GRID2: variants seen among roughly 807,000 people sequenced by gnomAD.
The protein encoded by GRID2 is glutamate ionotropic receptor delta type subunit 2.
Under a neutral mutation model 114.8 loss-of-function variants are expected in GRID2, and 33 were observed. The ratio of observed to expected loss-of-function variants is 0.29; its 90% CI spans 0.22 to 0.38. GRID2 has a LOEUF of 0.38. Ranked by LOEUF, GRID2 falls within the 10% of genes least tolerant of loss-of-function variation. The pLI is 1.00. For missense variants in GRID2, 1,184 were observed against 1,257.7 expected (o/e 0.94, Z 0.89); for synonymous variants, 505 against 449.9 (o/e 1.12, Z -1.55).
intron 2 of GRID2, among the ~76,000 whole-genome samples, chr4:92,931,889 A>G (rs932227749): frequency 2.6e-5 from 4 of 151,272 alleles, no homozygotes; most frequent in African/African-American, 9.7e-5. Context: ...CCTTTTTAAT[A>G]GAAAATTCTC....
At chr4:92,881,583 T>C (rs2149458218) in intron 2 of GRID2, among the ~76,000 whole-genome samples, 1 of 152,350 alleles carries the variant, frequency 6.6e-6, no homozygotes, top group African/African-American at 2.4e-5. Flanking sequence ...GATTTTATAG[T>C]TGTCAATAGA....
intron 1 of GRID2, among the ~76,000 whole-genome samples, chr4:92,380,347 G>T (rs1396489834): frequency 6.6e-6 from 1 of 151,762 alleles, no homozygotes; most frequent in Non-Finnish European, 1.5e-5. Context: ...TGAAGACATT[G>T]CTTACTAGCT....
intron 8 of GRID2, among the ~76,000 whole-genome samples, chr4:93,298,233 G>A (rs1754518492): frequency 6.6e-6 from 1 of 152,098 alleles, no homozygotes; most frequent in African/African-American, 2.4e-5. Context: ...GTCTTAGTTA[G>A]TTCAAACTAT....
intron 1 of GRID2, among the ~76,000 whole-genome samples, chr4:92,537,244 G>C (rs552014185): frequency 2.6e-5 from 4 of 152,200 alleles, no homozygotes; most frequent in Admixed American, 2.6e-4. Context: ...CTTATTCTAA[G>C]TTGTTGTATA....
At chr4:92,412,138 G>C (rs891629866) in intron 1 of GRID2, among the ~76,000 whole-genome samples, 2 of 149,852 alleles carry the variant, frequency 1.3e-5, no homozygotes, top group African/African-American at 5.0e-5. Context: ...TGTGTGTGTG[G>C]TGTGTGTGTT....
At chr4:93,573,714 T>A (rs1357247969) in intron 13 of GRID2, among the ~76,000 whole-genome samples, 1 of 152,188 alleles carries the variant, frequency 6.6e-6, no homozygotes, top group Admixed American at 6.6e-5. Flanking sequence ...ATATCTCTAG[T>A]ATGCTAATTG....
At chr4:93,198,412 A>T (rs1321017984) in intron 4 of GRID2, among the ~76,000 whole-genome samples, 1 of 152,142 alleles carries the variant, frequency 6.6e-6, no homozygotes, top group African/African-American at 2.4e-5. Flanking sequence ...GGAGGGAGCT[A>T]TGTGTGTGTC....
chr4:93,735,231 C>T (rs1430498664), intron 14 of GRID2, among the ~76,000 whole-genome samples: 1 of 151,994 alleles, frequency 6.6e-6, no homozygotes, highest in African/African-American at 2.4e-5. Flanking sequence ...GTCATTATTT[C>T]TCTAAGTACA....
At chr4:92,789,428 G>A (rs1303423150) in intron 2 of GRID2, among the ~76,000 whole-genome samples, 2 of 151,694 alleles carry the variant, frequency 1.3e-5, no homozygotes, top group Non-Finnish European at 2.9e-5. Flanking sequence ...GATTTCAGTT[G>A]GACACACGTT....
chr4:93,225,315 A>C (rs1186408648), intron 7 of GRID2, among the ~76,000 whole-genome samples: 1 of 151,998 alleles, frequency 6.6e-6, no homozygotes, highest in East Asian at 1.9e-4. Flanking sequence ...CCAGCTGTGA[A>C]TCTGTTTGGC....
chr4:93,291,759 G>A (rs1326445600), intron 8 of GRID2, among the ~76,000 whole-genome samples: 3 of 152,084 alleles, frequency 2.0e-5, no homozygotes, highest in Admixed American at 6.5e-5. Flanking sequence ...GTTTATGTGT[G>A]TGCACGTGTT....
intron 1 of GRID2, among the ~76,000 whole-genome samples, chr4:92,558,905 G>A (rs1241625921): frequency 1.3e-5 from 2 of 152,218 alleles, no homozygotes; most frequent in Middle Eastern, 3.4e-3. Context: ...AACAAAAGAC[G>A]AGACAATTAC....
At chr4:92,935,881 G>C (rs1398051918) in intron 2 of GRID2, among the ~76,000 whole-genome samples, 1 of 127,924 alleles carries the variant, frequency 7.8e-6, no homozygotes, top group Non-Finnish European at 1.7e-5. Flanking sequence ...TCTGGGGACT[G>C]TTGTGGGGTG....
intron 13 of GRID2, among the ~76,000 whole-genome samples, chr4:93,543,330 T>C (rs887680196): frequency 5.3e-5 from 8 of 152,246 alleles, no homozygotes; most frequent in African/African-American, 1.9e-4. Flanking sequence ...AATAAATACA[T>C]TTTAAAAGCT....
At chr4:93,017,503 C>T (rs946558275) in intron 2 of GRID2, among the ~76,000 whole-genome samples, 3 of 151,806 alleles carry the variant, frequency 2.0e-5, no homozygotes, top group African/African-American at 7.3e-5. Flanking sequence ...TTTCTTTCTC[C>T]GTACTTCACC....
At chr4:92,460,250 G>T (rs1373803471) in intron 1 of GRID2, among the ~76,000 whole-genome samples, 1 of 151,338 alleles carries the variant, frequency 6.6e-6, no homozygotes, top group Non-Finnish European at 1.5e-5. Context: ...CTGTGTGATC[G>T]AGATAATGGG....
intron 14 of GRID2, among the ~76,000 whole-genome samples, chr4:93,677,747 A>C (rs886776809): frequency 2.0e-5 from 3 of 152,164 alleles, no homozygotes; most frequent in Non-Finnish European, 4.4e-5. Context: ...AAACTAACAA[A>C]CAGAAAGGAC....
chr4:93,159,092 T>C (rs1296316615), intron 4 of GRID2, among the ~76,000 whole-genome samples: 3 of 151,516 alleles, frequency 2.0e-5, no homozygotes, highest in Admixed American at 6.6e-5. Flanking sequence ...GCTGAGTCCA[T>C]GTCCCCATAA....
At chr4:93,523,987 A>G (rs1234307409) in intron 13 of GRID2, among the ~76,000 whole-genome samples, 1 of 152,050 alleles carries the variant, frequency 6.6e-6, no homozygotes, top group Non-Finnish European at 1.5e-5. Context: ...TCCTAGAGCT[A>G]TAAGCATCAT....
Sources: gnomAD v4.1 joint callset for allele counts (sites outside exome capture counted in the v4.1 genomes callset) on GRCh38, gnomAD v4.1.1 for gene constraint, MANE v1.5 for transcripts, NCBI Gene and HGNC (gene_info 2026-07-23, HGNC 2026-07-21) for gene names.